POU2F1: variants seen among roughly 807,000 people sequenced by gnomAD.
The protein encoded by POU2F1 is POU domain, class 2, transcription factor 1.
POU2F1 carries 16 observed loss-of-function variants against 84.9 expected under a neutral mutation model. The observed-to-expected ratio is 0.19, with a 90% confidence interval of 0.13 to 0.29. The LOEUF is 0.29. Ranked by LOEUF, POU2F1 falls within the 10% of genes least tolerant of loss-of-function variation. POU2F1 has a pLI of 1.00. For missense variants in POU2F1, 738 were observed against 942.6 expected, an observed-to-expected ratio of 0.78 and a Z score of 2.84; for synonymous variants, 368 against 368.3, an observed-to-expected ratio of 1.00 and a Z score of 0.01.
intron 2 of POU2F1, among the ~76,000 whole-genome samples, chr1:167,346,034 G>A (rs1392121795): frequency 6.6e-6 from 1 of 151,706 alleles, no homozygotes; most frequent in African/African-American, 2.4e-5. Context: ...AATTAACTGG[G>A]CATGGTGGCA....
Position 167,413,158 on chromosome 1 carries a change from TGTGA to T in POU2F1, c.1990+48_1990+51del, listed in dbSNP as rs760269802. The T allele has an allele frequency of 1.2e-5, 17 of 1,402,728 alleles. No individual in the cohort carries two copies. The African/African-American group carries it at 1.4e-4, about 11-fold the overall frequency. 86.9% of individuals were successfully genotyped at this position (1,402,728 alleles called of 1,614,324 possible). A position where few individuals can be genotyped will look rare whatever the true frequency, so the allele number is the denominator to read the frequency against. On this transcript the variant is annotated intron_variant, in intron 15 of 15. Coordinates refer to ENST00000367866, the MANE Select transcript of POU2F1 (RefSeq NM_002697.4). ...CTTAATTTGGTGGCATGCACGTGTG[TGTGA>T]GTGTGTGTGTGTGTGTGTGTGTGTG... is the stretch of plus-strand genomic sequence containing the variant.
chr1:167,352,863 GT>G (rs1658670616), intron 2 of POU2F1, among the ~76,000 whole-genome samples: 1 of 152,152 alleles, frequency 6.6e-6, no homozygotes, highest in South Asian at 2.1e-4. Flanking sequence ...TACCAAATGT[GT>G]TTTCGTAGTA....
At chr1:167,377,000 A>G (rs1316166905) in intron 7 of POU2F1, among the ~76,000 whole-genome samples, 3 of 152,238 alleles carry the variant, frequency 2.0e-5, no homozygotes, top group Admixed American at 1.3e-4. Context: ...ATAAGTCTTC[A>G]CAGTGAATTT....
chr1:167,337,544 A>G (rs775857963), intron 2 of POU2F1, among the ~76,000 whole-genome samples: 4 of 152,048 alleles, frequency 2.6e-5, no homozygotes, highest in Non-Finnish European at 4.4e-5. Flanking sequence ...TGTCAGGATA[A>G]CGGAAGAAGC....
chr1:167,278,774 A>T (rs566489910), intron 1 of POU2F1, among the ~76,000 whole-genome samples: 1 of 144,588 alleles, frequency 6.9e-6, no homozygotes, highest in Admixed American at 7.0e-5. Context: ...TGCAAACTTT[A>T]ATTGGCTATC....
intron 13 of POU2F1, among the ~76,000 whole-genome samples, chr1:167,402,291 A>T (rs1649269785): frequency 6.6e-6 from 1 of 152,194 alleles, no homozygotes; most frequent in Non-Finnish European, 1.5e-5. Flanking sequence ...TAGATTAATG[A>T]TATTTCATAA....
chr1:167,363,308 C>A (rs1659465520), intron 2 of POU2F1, among the ~76,000 whole-genome samples: 1 of 152,154 alleles, frequency 6.6e-6, no homozygotes. Flanking sequence ...TTTTCAAAAT[C>A]TCATATTCTT....
At chr1:167,237,773 T>TATATA (rs1491447077) in intron 1 of POU2F1, among the ~76,000 whole-genome samples, 1 of 50,920 alleles carries the variant, frequency 2.0e-5, no homozygotes, top group Admixed American at 2.8e-4. Context: ...TATATATATA[T>TATATA]TTTTTTTTTT....
chr1:167,397,490 A>G (rs998388304), intron 10 of POU2F1, among the ~76,000 whole-genome samples: 1 of 152,200 alleles, frequency 6.6e-6, no homozygotes, highest in African/African-American at 2.4e-5. Flanking sequence ...AGCAGAAAGA[A>G]TGCCAATAAG....
chr1:167,348,052 G>A (rs1349341939), intron 2 of POU2F1, among the ~76,000 whole-genome samples: 2 of 152,146 alleles, frequency 1.3e-5, no homozygotes, highest in African/African-American at 2.4e-5. Flanking sequence ...TGGGTATATA[G>A]TCATGCATAA....
At chr1:167,274,537 TTC>T (rs913973240) in intron 1 of POU2F1, among the ~76,000 whole-genome samples, 5 of 152,132 alleles carry the variant, frequency 3.3e-5, no homozygotes, top group South Asian at 2.1e-4. Context: ...AGTTACCTAT[TTC>T]TGTTATTTTA....
intron 1 of POU2F1, among the ~76,000 whole-genome samples, chr1:167,242,266 G>A (rs1010806562): frequency 3.3e-5 from 5 of 152,194 alleles, no homozygotes; most frequent in African/African-American, 1.2e-4. Context: ...GGCCTGTTTA[G>A]TGACAGTCAA....
chr1:167,387,394 A>G lies in POU2F1; in HGVS notation c.814-2194A>G, dbSNP rs560141894. On this transcript the variant is annotated intron_variant, in intron 8 of 15. Transcript: ENST00000367866. Reference sequence around the variant, plus strand: ...ATGTACAGCTACATAGGGGTCTGCTATGGTTGGTGCTCGTTTTGGCTCCTC... The same window carrying G: ...ATGTACAGCTACATAGGGGTCTGCTGTGGTTGGTGCTCGTTTTGGCTCCTC... The G allele has an allele frequency of 6.0e-5, 21 of 351,046 alleles. No individual in the cohort carries two copies. In the Middle Eastern group the frequency reaches 2.0e-3, roughly 33 times the overall value. The allele number at this position is 351,046 out of a possible 1,614,324, so 21.7% of individuals were successfully genotyped here.
At position 167,371,941 on chromosome 1, in the gene POU2F1, G is replaced by T. The variant is rs1357532311; in HGVS notation, c.307G>T (p.Asp103Tyr). The part of the protein sequence containing the change: ...VQSKSNEESG[D>Y]SQQPSQPSQQ... ...GTCTAAATCTAATGAAGAATCGGGG[G>T]ATTCGCAGCAGCCAAGCCAGCCTTC... is the stretch of plus-strand genomic sequence containing the variant. The change falls in exon 5 of 16, where the codon GAT becomes TAT. Residue 103 changes from aspartate (D) to tyrosine (Y), a missense_variant. This residue lies in a region of POU2F1 where 161 missense variants were observed against 147.0 expected (regional missense o/e 1.10). Coordinates refer to ENST00000367866, the MANE Select transcript of POU2F1 (RefSeq NM_002697.4). 5.0e-6 allele frequency: 8 copies of T among 1,613,994 alleles called. No individual in the cohort carries two copies. The highest frequency in any genetic ancestry group is 2.7e-5 in the African/African-American group (2 of 74,910).
At chr1:167,294,577 A>G (rs537775570) in intron 1 of POU2F1, among the ~76,000 whole-genome samples, 8 of 152,218 alleles carry the variant, frequency 5.3e-5, no homozygotes, top group Non-Finnish European at 1.2e-4. Context: ...AGCAGGAGAA[A>G]AACACAAATA....
chr1:167,292,375 AGTT>A (rs1244452754), intron 1 of POU2F1, among the ~76,000 whole-genome samples: 1 of 151,982 alleles, frequency 6.6e-6, no homozygotes, highest in East Asian at 1.9e-4. Context: ...TATTATTGTT[AGTT>A]GTTGAACACC....
chr1:167,399,632 C>T (rs899768655), intron 12 of POU2F1, among the ~76,000 whole-genome samples: 3 of 151,988 alleles, frequency 2.0e-5, no homozygotes, highest in Non-Finnish European at 4.4e-5. Context: ...TTGTTATTAA[C>T]CCAAGAACTT....
rs576407550 is a variant in POU2F1 at position 167,281,650 on chromosome 1, A to G, written c.62-50820A>G. ...AACAGTTGACTACATTTGATTGGCC[A>G]AAACTCGGTGATTGGCGTAGGTGTA... On this transcript the variant is annotated intron_variant, in intron 1 of 15. Coordinates refer to ENST00000367866, the MANE Select transcript of POU2F1 (RefSeq NM_002697.4). 2.0e-5 allele frequency among the ~76,000 whole-genome samples: 3 copies of G among 152,364 alleles called. No individual in the cohort carries two copies. In the South Asian group the frequency reaches 6.2e-4, roughly 32 times the overall value.
At position 167,418,039 on chromosome 1, in the gene POU2F1, T is replaced by C. The variant is rs1220509861; in HGVS notation, c.*2229T>C. 6.6e-6 allele frequency: 1 copy of C among 152,214 alleles called. No homozygotes were observed. Among genetic ancestry groups the C allele is most frequent in the Non-Finnish European group, 1.5e-5 (1 of 68,046 alleles). The allele number at this position is 152,214 out of a possible 1,614,324, so 9.4% of individuals were successfully genotyped here. A position where few individuals can be genotyped will look rare whatever the true frequency, so the allele number is the denominator to read the frequency against. ...CTAACAAATGTCCATTCACCCTTTT[T>C]GTGTGGTGTGTTTTTTTATGTTTTG... On this transcript the variant is annotated 3_prime_UTR_variant, in exon 16 of 16. Transcript: ENST00000367866.
Sources: allele counts gnomAD v4.1 joint callset (sites outside exome capture counted in the v4.1 genomes callset), GRCh38; gene constraint gnomAD v4.1.1; regional missense constraint gnomAD v4.1.1; transcripts MANE v1.5; gene names NCBI Gene and HGNC (gene_info 2026-07-23, HGNC 2026-07-21).